ADAM22: variants seen among roughly 807,000 people sequenced by gnomAD.
ADAM22 encodes the protein ADAM metallopeptidase domain 22.
ADAM22 carries 65 observed loss-of-function variants against 144.6 expected under a neutral mutation model. The observed-to-expected ratio is 0.45, with a 90% confidence interval of 0.37 to 0.55. ADAM22 has a LOEUF of 0.55. Ranked by LOEUF, ADAM22 falls within the 20% of genes least tolerant of loss-of-function variation. The pLI, the probability that ADAM22 is intolerant of heterozygous loss-of-function variation, is 0.00. For synonymous variants in ADAM22, 391 were observed against 412.6 expected, an observed-to-expected ratio of 0.95 and a Z score of 0.63; for missense variants, 974 against 1,184.9, an observed-to-expected ratio of 0.82 and a Z score of 2.61.
intron 21 of ADAM22, among the ~76,000 whole-genome samples, chr7:88,154,855 A>AT (rs1839482623): frequency 6.6e-6 from 1 of 152,000 alleles, no homozygotes; most frequent in Admixed American, 6.5e-5. Flanking sequence ...ACAGGTTCTA[A>AT]TTTTTCTTTT....
At chr7:88,089,098 T>G (rs561904665) in intron 4 of ADAM22, among the ~76,000 whole-genome samples, 4 of 152,228 alleles carry the variant, frequency 2.6e-5, no homozygotes, top group African/African-American at 9.6e-5. Context: ...GCTATTAAAC[T>G]GTCAAAGTGG....
At chr7:88,108,043 G>A in intron 4 of ADAM22, 133 bp from the exon 5 acceptor site, 1 of 634,500 alleles carries the variant, frequency 1.6e-6, no homozygotes, top group Admixed American at 3.3e-5. Flanking sequence ...ATTTGATAAT[G>A]CTAATCTGAA....
chr7:88,042,830 T>C (rs1384031716), intron 3 of ADAM22, among the ~76,000 whole-genome samples: 1 of 151,598 alleles, frequency 6.6e-6, no homozygotes, highest in Admixed American at 6.6e-5. Context: ...GCTTCTAACC[T>C]AATCTCAAGG....
At chr7:88,096,253 G>A (rs2129485802) in intron 4 of ADAM22, among the ~76,000 whole-genome samples, 1 of 149,710 alleles carries the variant, frequency 6.7e-6, no homozygotes, top group East Asian at 2.0e-4. Flanking sequence ...TTCCCCCAAA[G>A]AACCAGCTTT....
chr7:88,149,627 C>A (rs1837730099), intron 18 of ADAM22, among the ~76,000 whole-genome samples: 1 of 152,068 alleles, frequency 6.6e-6, no homozygotes, highest in African/African-American at 2.4e-5. Flanking sequence ...AGTGCCAAAC[C>A]ATAAAAATGA....
chr7:88,151,387 G>T, intron 20 of ADAM22, 67 bp downstream of exon 20: 1 of 1,575,468 alleles, frequency 6.3e-7, no homozygotes, highest in Non-Finnish European at 8.7e-7. Context: ...AAGGACGTGT[G>T]TGCTGGAAGT....
At chr7:87,977,958 A>G (rs1852293243) in intron 2 of ADAM22, among the ~76,000 whole-genome samples, 1 of 152,186 alleles carries the variant, frequency 6.6e-6, no homozygotes, top group South Asian at 2.1e-4. Flanking sequence ...TCACCATATT[A>G]TTTTATTCTT....
intron 26 of ADAM22, among the ~76,000 whole-genome samples, chr7:88,175,213 T>C (rs1845337911): frequency 6.6e-6 from 1 of 152,198 alleles, no homozygotes; most frequent in African/African-American, 2.4e-5. Flanking sequence ...TACTTGATGT[T>C]TAAATTTAGA....
rs751198295 is a variant in ADAM22, at chr7:88,178,943, C to A, written c.2309C>A (p.Pro770His). ...TGTTTATTATGCCTTAGACAGTTAC[C>A]CCAGGGAGATTATGTAAAAAAGCCT... is the stretch of plus-strand genomic sequence containing the variant. The part of the protein sequence containing the change: ...YKNYREQRQL[P>H]QGDYVKKPGD... The change falls in exon 27 of 32, where the codon CCC becomes CAC. Residue 770 changes from proline (P) to histidine (H), a missense_variant. By Grantham distance (77) the Pro-to-His change is moderately conservative. Transcript: ENST00000413139. 38 of 1,609,048 alleles carry A rather than the reference C, an allele frequency of 2.4e-5. No homozygotes were observed. Among genetic ancestry groups the A allele is most frequent in the Non-Finnish European group, 1.1e-5 (13 of 1,177,480 alleles).
At chr7:88,120,696 T>C (rs921612459) in intron 7 of ADAM22, among the ~76,000 whole-genome samples, 1 of 152,238 alleles carries the variant, frequency 6.6e-6, no homozygotes, top group Admixed American at 6.5e-5. Context: ...CAAATATGCC[T>C]TATGAATATA....
intron 12 of ADAM22, 152 bp downstream of exon 12, chr7:88,133,103 CTG>C (rs1172561195): frequency 3.0e-6 from 2 of 660,882 alleles, no homozygotes; most frequent in Non-Finnish European, 5.0e-6. Context: ...TGGCTTATTT[CTG>C]TAATTCCAGC....
In ADAM22 at chr7:88,134,378, A is replaced by G. The variant is rs1426760646; in HGVS notation, c.1127A>G (p.His376Arg). 4 of 1,611,144 alleles carry G rather than the reference A, an allele frequency of 2.5e-6. No individual in the cohort carries two copies. The highest frequency in any genetic ancestry group is 3.4e-6 in the Non-Finnish European group (4 of 1,179,096). Residue 376 changes from histidine to arginine, a missense_variant, in exon 13 of 32, where the codon CAT (histidine) becomes CGT (arginine). Physicochemically the swap from His to Arg is conservative, Grantham distance 29. Transcript: ENST00000413139. The part of the protein sequence containing the change: ...MAVTLAQSLA[H>R]NIGIISDKRK... ...GTTACACTTGCCCAGTCATTAGCCC[A>G]TAATATTGGTATTATCTCAGACAAA...
intron 2 of ADAM22, among the ~76,000 whole-genome samples, chr7:87,975,626 C>G (rs1851729253): frequency 6.6e-6 from 1 of 152,020 alleles, no homozygotes; most frequent in Non-Finnish European, 1.5e-5. Context: ...AATAAGATAC[C>G]AGATGTAAAA....
intron 3 of ADAM22, among the ~76,000 whole-genome samples, chr7:87,996,377 T>C (rs371059451): frequency 1.3e-4 from 20 of 152,222 alleles, no homozygotes; most frequent in South Asian, 4.1e-4. Flanking sequence ...GAGGGCCTTC[T>C]TCCTAGTTTG....
chr7:87,965,750 G>A (rs367817649), intron 2 of ADAM22, among the ~76,000 whole-genome samples: 1 of 152,278 alleles, frequency 6.6e-6, no homozygotes, highest in East Asian at 1.9e-4. Flanking sequence ...AAACCTTGAT[G>A]TGAAGAACTC....
intron 2 of ADAM22, among the ~76,000 whole-genome samples, chr7:87,964,339 G>A (rs961769524): frequency 6.6e-6 from 1 of 152,126 alleles, no homozygotes; most frequent in Non-Finnish European, 1.5e-5. Context: ...CCTAATAATG[G>A]TATCTCTTAG....
At chr7:88,013,869 G>T (rs941761007) in intron 3 of ADAM22, among the ~76,000 whole-genome samples, 1 of 152,142 alleles carries the variant, frequency 6.6e-6, no homozygotes, top group African/African-American at 2.4e-5. Flanking sequence ...GATTTGTCTC[G>T]ATTCTTTACC....
At chr7:87,976,066 G>A (rs1851826291) in intron 2 of ADAM22, among the ~76,000 whole-genome samples, 1 of 152,036 alleles carries the variant, frequency 6.6e-6, no homozygotes, top group Non-Finnish European at 1.5e-5. Context: ...TACATCCAGG[G>A]GATTGATAAC....
intron 4 of ADAM22, among the ~76,000 whole-genome samples, chr7:88,091,715 C>T (rs1819899251): frequency 6.6e-6 from 1 of 152,138 alleles, no homozygotes; most frequent in African/African-American, 2.4e-5. Context: ...AGAATGTGTG[C>T]TATAATCTAC....
Sources: gnomAD v4.1 joint callset for allele counts (sites outside exome capture counted in the v4.1 genomes callset) on GRCh38, gnomAD v4.1.1 for gene constraint, MANE v1.5 for transcripts, NCBI Gene and HGNC (gene_info 2026-07-23, HGNC 2026-07-21) for gene names.